Variants in DST observed in about 807,000 individuals in gnomAD.
The protein encoded by DST is bullous pemphigoid antigen.
A neutral mutation model predicts 875.2 loss-of-function variants in DST; 253 were observed. That is an observed-to-expected ratio of 0.29 (90% CI 0.26 to 0.32). The LOEUF is 0.32. Ranked by LOEUF, DST falls within the 10% of genes least tolerant of loss-of-function variation. The probability of loss-of-function intolerance (pLI) is 1.00; values close to 1 mark genes in which losing one functional copy is unlikely to be tolerated. For synonymous variants in DST, 3,124 were observed against 3,197.1 expected, an observed-to-expected ratio of 0.98 and a Z score of 0.77; for missense variants, 8,287 against 9,111.6, an observed-to-expected ratio of 0.91 and a Z score of 3.68.
chr6:56,745,082 C>T lies in DST; in HGVS notation c.626-9793G>A, dbSNP rs112043349. 5.2e-3 allele frequency among the ~76,000 whole-genome samples: 794 copies of T among 152,172 alleles called. 6 individuals carry two copies. Among genetic ancestry groups the T allele is most frequent in the Admixed American group, 0.011 (164 of 15,276 alleles). The stretch of plus-strand genomic sequence containing the variant: ...CCACAGTCCACTCCCCAGCCACTCG[C>T]CCCTCCACCCTACTTTTGTTAAAAG... On this transcript the variant is annotated intron_variant, in intron 4 of 103. Transcript: ENST00000680361.
At chr6:56,836,568 G>C (rs1185443439) in intron 4 of DST, among the ~76,000 whole-genome samples, 1 of 151,922 alleles carries the variant, frequency 6.6e-6, no homozygotes, top group Non-Finnish European at 1.5e-5. Context: ...ATAAACAAAG[G>C]GGCCGGGCGC....
intron 4 of DST, among the ~76,000 whole-genome samples, chr6:56,780,140 G>C (rs555508289): frequency 3.3e-5 from 5 of 151,866 alleles, no homozygotes; most frequent in South Asian, 2.1e-4. Flanking sequence ...GGACATTTGG[G>C]TTGGTTCCAA....
chr6:56,598,613 G>A lies in DST; in HGVS notation c.11791C>T (p.Gln3931Ter), dbSNP rs561915108. 9.3e-6 allele frequency: 15 copies of A among 1,611,742 alleles called. No individual in the cohort carries two copies. The highest frequency in any genetic ancestry group is 4.5e-5 in the East Asian group (2 of 44,770). Residue 3931 changes from glutamine to a stop codon, truncating the protein, a stop_gained, in exon 46 of 104, where the codon CAG becomes TAG. Coordinates refer to ENST00000680361, the MANE Select transcript of DST (RefSeq NM_001374736.1). LOFTEE classifies it high-confidence loss of function. ...FLKENGEKLS[Q>*]EDKALIEQKL... ...TGTTCAATCAAAGCCTTATCTTCCT[G>A]TGACAGCTTTTCACCATTCTCTTTT...
At chr6:56,771,356 G>C (rs1265188529) in intron 4 of DST, among the ~76,000 whole-genome samples, 2 of 152,108 alleles carry the variant, frequency 1.3e-5, no homozygotes, top group African/African-American at 2.4e-5. Flanking sequence ...GACTAAAATT[G>C]TCTGCAAAGA....
intron 4 of DST, among the ~76,000 whole-genome samples, chr6:56,841,840 CAT>C (rs1417608681): frequency 6.9e-6 from 1 of 144,336 alleles, no homozygotes; most frequent in Non-Finnish European, 1.5e-5. Context: ...CACCCACCCA[CAT>C]ACACACACAC....
At chr6:56,602,104 G>A in intron 43 of DST, 3 of 305,280 alleles carry the variant, frequency 9.8e-6, no homozygotes, top group South Asian at 2.8e-5. Context: ...AATGAAATAT[G>A]CCAGAATTTC....
intron 87 of DST, among the ~76,000 whole-genome samples, chr6:56,486,442 ATAT>A: frequency 6.6e-6 from 1 of 150,524 alleles, no homozygotes; most frequent in Non-Finnish European, 1.5e-5. Context: ...CCAGAACTGA[ATAT>A]AATCTATTTA....
intron 49 of DST, among the ~76,000 whole-genome samples, chr6:56,579,307 C>A (rs2152638490): frequency 6.6e-6 from 1 of 152,212 alleles, no homozygotes; most frequent in East Asian, 1.9e-4. Context: ...AATTTGAGAC[C>A]ACTTCTGACT....
chr6:56,707,382 C>A (rs1480892335), intron 5 of DST, among the ~76,000 whole-genome samples: 1 of 152,170 alleles, frequency 6.6e-6, no homozygotes, highest in Non-Finnish European at 1.5e-5. Context: ...CTAAAAGAGC[C>A]TGAATGGGAA....
chr6:56,899,845 T>C (rs1562334140), intron 3 of DST, among the ~76,000 whole-genome samples: 2 of 152,192 alleles, frequency 1.3e-5, no homozygotes, highest in Non-Finnish European at 2.9e-5. Flanking sequence ...GGTGGCATTG[T>C]GGCCAACAGG....
intron 7 of DST, among the ~76,000 whole-genome samples, chr6:56,702,412 T>C (rs79534156): frequency 0.084 from 12,670 of 151,724 alleles, 1,673 homozygotes; most frequent in African/African-American, 0.28. Context: ...CATATATATA[T>C]ACATATGGCA....
At chr6:56,921,386 A>G (rs982017632) in intron 2 of DST, among the ~76,000 whole-genome samples, 4 of 152,200 alleles carry the variant, frequency 2.6e-5, no homozygotes, top group Admixed American at 2.6e-4. Context: ...GACATCAAGA[A>G]AGATGAAAAT....
At chr6:56,690,378 G>T (rs749441385) in intron 9 of DST, among the ~76,000 whole-genome samples, 57 of 152,156 alleles carry the variant, frequency 3.7e-4, no homozygotes, top group Middle Eastern at 3.4e-3. Context: ...AATATAACAT[G>T]TTGATAACAT....
At chr6:56,866,521 C>A (rs556319765) in intron 3 of DST, among the ~76,000 whole-genome samples, 1 of 152,314 alleles carries the variant, frequency 6.6e-6, no homozygotes, top group South Asian at 2.1e-4. Context: ...AAAGCCTGCA[C>A]CATGACTTAC....
At chr6:56,848,512 A>G (rs529501096) in intron 4 of DST, among the ~76,000 whole-genome samples, 137 of 152,210 alleles carry the variant, frequency 9.0e-4, no homozygotes, top group Non-Finnish European at 1.4e-3. Context: ...TTTCAATTGT[A>G]TGTTTTCATA....
chr6:56,465,798 T>C (rs2094548628), intron 99 of DST, among the ~76,000 whole-genome samples: 1 of 149,472 alleles, frequency 6.7e-6, no homozygotes, highest in South Asian at 2.1e-4. Context: ...TGGAAAATCG[T>C]AGATGTAAAA....
intron 10 of DST, among the ~76,000 whole-genome samples, chr6:56,657,272 ACT>A (rs1473843743): frequency 2.0e-5 from 3 of 151,938 alleles, no homozygotes; most frequent in Non-Finnish European, 2.9e-5. Context: ...GAACCTTTTA[ACT>A]CTTTTTCAGT....
chr6:56,593,628 T>C (rs751923759), intron 48 of DST, 35 bp downstream of exon 48: 6 of 1,449,350 alleles, frequency 4.1e-6, no homozygotes, highest in Middle Eastern at 1.9e-4. Context: ...TAATTGCAGA[T>C]TGACTTTTCC....
intron 36 of DST, chr6:56,620,703 T>C (rs1364948297): frequency 2.5e-6 from 4 of 1,613,814 alleles, no homozygotes; most frequent in African/African-American, 1.3e-5. Flanking sequence ...GAAGTCTCCT[T>C]ACACCTTTTA....
Sources: allele counts gnomAD v4.1 joint callset (sites outside exome capture counted in the v4.1 genomes callset), GRCh38; gene constraint gnomAD v4.1.1; transcripts MANE v1.5; gene names NCBI Gene and HGNC (gene_info 2026-07-23, HGNC 2026-07-21).